CDH13: variants seen among roughly 807,000 people sequenced by gnomAD.
CDH13 encodes cadherin-13.
Under a neutral mutation model 63.8 loss-of-function variants are expected in CDH13, and 24 were observed. That is an observed-to-expected ratio of 0.38 (90% CI 0.27 to 0.53). The LOEUF (loss-of-function observed/expected upper bound fraction) is 0.53. Ranked by LOEUF, CDH13 falls within the 20% of genes least tolerant of loss-of-function variation. The pLI is 0.85. For synonymous variants in CDH13, 503 were observed against 355.3 expected (o/e 1.42, Z -4.67); for missense variants, 1,049 against 903.1 (o/e 1.16, Z -2.07).
intron 6 of CDH13, among the ~76,000 whole-genome samples, chr16:83,410,859 C>G (rs376116950): frequency 6.6e-6 from 1 of 152,164 alleles, no homozygotes; most frequent in Admixed American, 6.5e-5. Flanking sequence ...ATTTAGTCAT[C>G]CAAATCACCA....
chr16:83,496,592 T>G (rs1475288549), intron 7 of CDH13, among the ~76,000 whole-genome samples: 1 of 152,174 alleles, frequency 6.6e-6, no homozygotes. Flanking sequence ...ATTCAGGACA[T>G]AGGCATGGGC....
chr16:83,264,319 A>C (rs557727578), intron 5 of CDH13, among the ~76,000 whole-genome samples: 3 of 152,200 alleles, frequency 2.0e-5, no homozygotes, highest in Non-Finnish European at 4.4e-5. Flanking sequence ...GAACTCTCAA[A>C]TCTTTGTTTA....
chr16:83,416,488 C>T (rs1008315461), intron 6 of CDH13, among the ~76,000 whole-genome samples: 3 of 152,232 alleles, frequency 2.0e-5, no homozygotes, highest in Admixed American at 6.5e-5. Context: ...CTTCTTGTGC[C>T]TCTCATGTTT....
chr16:82,860,932 C>G (rs1367023144), intron 2 of CDH13, among the ~76,000 whole-genome samples: 1 of 152,170 alleles, frequency 6.6e-6, no homozygotes, highest in Non-Finnish European at 1.5e-5. Flanking sequence ...CCCTCTCTCT[C>G]ATTCTCAGTT....
intron 1 of CDH13, among the ~76,000 whole-genome samples, chr16:82,818,616 C>A (rs2037841410): frequency 6.6e-6 from 1 of 152,188 alleles, no homozygotes; most frequent in Admixed American, 6.5e-5. Flanking sequence ...TTATGATAGC[C>A]AACATTTACC....
chr16:83,368,884 TTATA>T (rs150563585), intron 6 of CDH13, among the ~76,000 whole-genome samples: 48 of 47,636 alleles, frequency 1.0e-3, no homozygotes, highest in South Asian at 7.4e-3. Context: ...GTATTCCATG[TTATA>T]TATATATATA....
chr16:82,779,651 G>C lies in CDH13; in HGVS notation c.46-78711G>C, dbSNP rs189447726. ...CCTCATAATTTACCTGTAACCGACA[G>C]CTCTCCTTGGATAGTTTATCTGGGC... On this transcript the variant is annotated intron_variant, in intron 1 of 13. Coordinates refer to ENST00000567109, the MANE Select transcript of CDH13 (RefSeq NM_001257.5). 2.6e-5 allele frequency among the ~76,000 whole-genome samples: 4 copies of C among 152,320 alleles called. No homozygotes were observed. In the East Asian group the frequency reaches 7.7e-4, roughly 29 times the overall value.
intron 3 of CDH13, among the ~76,000 whole-genome samples, chr16:83,065,533 C>A (rs34081209): frequency 0.05 from 7,672 of 151,984 alleles, 272 homozygotes; most frequent in Middle Eastern, 0.1. Context: ...GCTGAAACCC[C>A]GTCTCTACTA....
chr16:83,581,556 C>T (rs1905601330), intron 7 of CDH13, among the ~76,000 whole-genome samples: 1 of 152,194 alleles, frequency 6.6e-6, no homozygotes, highest in Non-Finnish European at 1.5e-5. Context: ...CAGTGGCTCA[C>T]ACCTGTAATC....
intron 1 of CDH13, among the ~76,000 whole-genome samples, chr16:82,803,317 A>G (rs2036964823): frequency 1.3e-5 from 2 of 152,174 alleles, no homozygotes; most frequent in South Asian, 4.1e-4. Context: ...ATATTTTTGG[A>G]AAGTTCATTC....
intron 8 of CDH13, among the ~76,000 whole-genome samples, chr16:83,612,351 A>G (rs904176430): frequency 5.3e-5 from 8 of 151,908 alleles, no homozygotes; most frequent in African/African-American, 1.9e-4. Context: ...CAGTGTCATC[A>G]TGGTATATTT....
chr16:83,501,607 C>T (rs994514061), intron 7 of CDH13, among the ~76,000 whole-genome samples: 1 of 152,164 alleles, frequency 6.6e-6, no homozygotes, highest in Admixed American at 6.5e-5. Flanking sequence ...CTCACAGGAG[C>T]TCTGTAAGGC....
At chr16:83,245,825 C>G (rs1330150121) in intron 5 of CDH13, among the ~76,000 whole-genome samples, 1 of 152,140 alleles carries the variant, frequency 6.6e-6, no homozygotes, top group African/African-American at 2.4e-5. Flanking sequence ...TCACTGCAGC[C>G]AAGACCTCCC....
intron 1 of CDH13, among the ~76,000 whole-genome samples, chr16:82,763,423 C>G (rs1287346354): frequency 6.6e-6 from 1 of 152,142 alleles, no homozygotes; most frequent in Non-Finnish European, 1.5e-5. Flanking sequence ...CTGTTTAATT[C>G]CTAATCCTGG....
intron 10 of CDH13, among the ~76,000 whole-genome samples, chr16:83,743,292 G>T (rs1912232414): frequency 6.6e-6 from 1 of 152,196 alleles, no homozygotes; most frequent in Non-Finnish European, 1.5e-5. Flanking sequence ...CTGGATACTT[G>T]ATTATTTTTT....
chr16:82,734,439 T>A (rs898812270), intron 1 of CDH13, among the ~76,000 whole-genome samples: 12 of 152,012 alleles, frequency 7.9e-5, no homozygotes, highest in Non-Finnish European at 1.5e-4. Context: ...AGGAGGCAGG[T>A]GCGCCTGCAA....
intron 4 of CDH13, among the ~76,000 whole-genome samples, chr16:83,203,249 A>C (rs2039084700): frequency 6.6e-6 from 1 of 152,032 alleles, no homozygotes; most frequent in African/African-American, 2.4e-5. Flanking sequence ...CAAAAACACC[A>C]AACAAACAAA....
intron 3 of CDH13, among the ~76,000 whole-genome samples, chr16:83,100,962 T>C (rs2034446570): frequency 6.6e-6 from 1 of 152,204 alleles, no homozygotes; most frequent in South Asian, 2.1e-4. Flanking sequence ...GAATCATGGA[T>C]GATTGAATTC....
intron 7 of CDH13, among the ~76,000 whole-genome samples, chr16:83,565,348 C>A (rs1473667146): frequency 6.6e-6 from 1 of 151,738 alleles, no homozygotes. Context: ...CCTGACCTCA[C>A]ATGCCCTTGG....
Sources: gnomAD v4.1 joint callset for allele counts (sites outside exome capture counted in the v4.1 genomes callset) on GRCh38, gnomAD v4.1.1 for gene constraint, MANE v1.5 for transcripts, NCBI Gene and HGNC (gene_info 2026-07-23, HGNC 2026-07-21) for gene names.